The following CDH13 variants were observed in gnomAD, a reference collection of about 807,000 sequenced individuals.
CDH13 encodes cadherin-13.
CDH13 carries 24 observed loss-of-function variants against 63.8 expected under a neutral mutation model. The observed-to-expected ratio is 0.38, with a 90% CI of 0.27 to 0.53. CDH13 has a LOEUF of 0.53. CDH13 is among the 20% of genes least tolerant of loss of function. The pLI is 0.85. For missense variants in CDH13, 1,049 were observed against 903.1 expected (o/e 1.16, Z -2.07); for synonymous variants, 503 against 355.3 (o/e 1.42, Z -4.67).
chr16:83,062,139 C>G lies in CDH13; in HGVS notation c.366+29921C>G, dbSNP rs540699124. Among the ~76,000 whole-genome samples the G allele has an allele frequency of 7.2e-5, 11 of 152,286 alleles. No individual in the cohort carries two copies. In the South Asian group the frequency reaches 1.0e-3, roughly 14 times the overall value. ...GAGCTTTGCATCTGGAAAGACAGAG[C>G]CTGCTCTAGGAATAATGATGTCAAA... On this transcript the variant is annotated intron_variant, in intron 3 of 13. Coordinates refer to ENST00000567109, the MANE Select transcript of CDH13 (RefSeq NM_001257.5).
chr16:83,041,988 G>A (rs1386380946), intron 3 of CDH13, among the ~76,000 whole-genome samples: 4 of 152,180 alleles, frequency 2.6e-5, no homozygotes, highest in South Asian at 2.1e-4. Flanking sequence ...GATCTCACAC[G>A]TTCTAGACAA....
At chr16:82,900,886 T>A (rs1236909682) in intron 2 of CDH13, among the ~76,000 whole-genome samples, 3 of 152,192 alleles carry the variant, frequency 2.0e-5, no homozygotes, top group Non-Finnish European at 4.4e-5. Context: ...TTGTTAGGAT[T>A]AAGCATAAAC....
intron 4 of CDH13, among the ~76,000 whole-genome samples, chr16:83,167,282 A>G (rs1323699868): frequency 6.6e-6 from 1 of 151,662 alleles, no homozygotes; most frequent in African/African-American, 2.4e-5. Flanking sequence ...GGATCACTTG[A>G]GGTCAGGAGT....
At chr16:83,077,172 C>CTTTTCTTTTTTTTTTTTTT (rs1567807167) in intron 3 of CDH13, among the ~76,000 whole-genome samples, 2 of 103,318 alleles carry the variant, frequency 1.9e-5, no homozygotes, top group African/African-American at 3.7e-5. Flanking sequence ...CTTTTCTTTT[C>CTTTTCTTTTTTTTTTTTTT]TTTTTTTTCT....
At chr16:83,659,936 G>A (rs920906265) in intron 8 of CDH13, among the ~76,000 whole-genome samples, 16 of 151,868 alleles carry the variant, frequency 1.1e-4, no homozygotes, top group African/African-American at 2.7e-4. Context: ...ACAGGCACCC[G>A]CCACCACACC....
At chr16:82,845,555 GT>G (rs1346839024) in intron 1 of CDH13, among the ~76,000 whole-genome samples, 1 of 152,110 alleles carries the variant, frequency 6.6e-6, no homozygotes, top group Non-Finnish European at 1.5e-5. Flanking sequence ...TTCATTTACT[GT>G]TTCCCATCTT....
chr16:82,835,835 T>A (rs563647688), intron 1 of CDH13, among the ~76,000 whole-genome samples: 1 of 152,292 alleles, frequency 6.6e-6, no homozygotes, highest in Non-Finnish European at 1.5e-5. Context: ...CAGAGTCTCA[T>A]CAGCTCCATC....
chr16:83,252,107 T>TACACACACACACACAC lies in CDH13; in HGVS notation c.636+34618_636+34633dup, dbSNP rs149781230. On this transcript the variant is annotated intron_variant, in intron 5 of 13. Coordinates refer to ENST00000567109, the MANE Select transcript of CDH13 (RefSeq NM_001257.5). ...TATGTATATATGTATATATATATTA[T>TACACACACACACACAC]ACACACACACACACACACACACATA... is the stretch of plus-strand genomic sequence containing the variant. 5.2e-3 allele frequency among the ~76,000 whole-genome samples: 713 copies of TACACACACACACACAC among 135,920 alleles called. 7 individuals are homozygous for TACACACACACACACAC. The highest frequency in any genetic ancestry group is 0.016 in the African/African-American group (573 of 36,554). The allele number at this position is 135,920 out of a possible 152,430, so 89.2% of individuals were successfully genotyped here.
chr16:82,754,122 G>C (rs1341923627), intron 1 of CDH13, among the ~76,000 whole-genome samples: 1 of 152,180 alleles, frequency 6.6e-6, no homozygotes, highest in Non-Finnish European at 1.5e-5. Flanking sequence ...TCATGGCGCA[G>C]GGTCAGGGCA....
chr16:83,038,827 C>T (rs1413039737), intron 3 of CDH13, among the ~76,000 whole-genome samples: 1 of 152,198 alleles, frequency 6.6e-6, no homozygotes, highest in Non-Finnish European at 1.5e-5. Context: ...GTAAAAACAC[C>T]ATACTTACTC....
intron 2 of CDH13, among the ~76,000 whole-genome samples, chr16:82,942,554 A>C (rs1031548573): frequency 1.3e-5 from 2 of 152,190 alleles, no homozygotes; most frequent in Non-Finnish European, 2.9e-5. Flanking sequence ...GTGGAGAAGT[A>C]CTTTGTGCGT....
intron 2 of CDH13, among the ~76,000 whole-genome samples, chr16:82,922,785 A>G (rs966610828): frequency 6.6e-6 from 1 of 152,210 alleles, no homozygotes; most frequent in South Asian, 2.1e-4. Flanking sequence ...TTGGTGAGCC[A>G]CTAGCTAGTC....
At chr16:83,559,128 T>G (rs1341662617) in intron 7 of CDH13, among the ~76,000 whole-genome samples, 3 of 152,238 alleles carry the variant, frequency 2.0e-5, no homozygotes, top group Non-Finnish European at 2.9e-5. Flanking sequence ...GAGGGCAGAG[T>G]GAAGACAGAG....
At chr16:82,887,545 G>C (rs2040933352) in intron 2 of CDH13, among the ~76,000 whole-genome samples, 1 of 152,156 alleles carries the variant, frequency 6.6e-6, no homozygotes, top group Non-Finnish European at 1.5e-5. Flanking sequence ...AAGAAAGGAG[G>C]GCCAGTGGCT....
At chr16:83,523,403 C>T (rs1030467221) in intron 7 of CDH13, among the ~76,000 whole-genome samples, 1 of 152,136 alleles carries the variant, frequency 6.6e-6, no homozygotes, top group Non-Finnish European at 1.5e-5. Context: ...ATCCTGATAG[C>T]TTTTTTAGAT....
At chr16:82,988,654 T>C (rs548242368) in intron 2 of CDH13, among the ~76,000 whole-genome samples, 53 of 151,084 alleles carry the variant, frequency 3.5e-4, no homozygotes, top group Non-Finnish European at 7.2e-4. Flanking sequence ...CCAGCTACTC[T>C]GGAGGCCCGA....
chr16:82,836,620 G>A (rs2038778835), intron 1 of CDH13, among the ~76,000 whole-genome samples: 1 of 152,158 alleles, frequency 6.6e-6, no homozygotes, highest in Non-Finnish European at 1.5e-5. Context: ...TGGTATAATG[G>A]AAATGACAGC....
At chr16:83,216,397 A>AATATATATATATGTATATATATATAT (rs1473011322) in intron 4 of CDH13, among the ~76,000 whole-genome samples, 1 of 16,092 alleles carries the variant, frequency 6.2e-5, no homozygotes, top group Non-Finnish European at 1.7e-4. Context: ...CCAGCATTGA[A>AATATATATATATGTATATATATATAT]ATATATATAT....
chr16:82,688,525 A>G (rs750111943), intron 1 of CDH13, among the ~76,000 whole-genome samples: 28 of 152,212 alleles, frequency 1.8e-4, no homozygotes, highest in Non-Finnish European at 2.9e-4. Context: ...TTTTCCATCA[A>G]TGGAGACTCA....
Sources: gnomAD v4.1 joint callset for allele counts (sites outside exome capture counted in the v4.1 genomes callset) on GRCh38, gnomAD v4.1.1 for gene constraint, MANE v1.5 for transcripts, NCBI Gene and HGNC (gene_info 2026-07-23, HGNC 2026-07-21) for gene names.